The following NEO1 variants were observed in gnomAD, a reference collection of about 807,000 sequenced individuals.
NEO1 encodes the protein neogenin.
Under a neutral mutation model 159.7 loss-of-function variants are expected in NEO1, and 63 were observed. That is an observed-to-expected ratio of 0.39 (90% CI 0.32 to 0.49). The LOEUF (loss-of-function observed/expected upper bound fraction) is 0.49. Among genes scored for constraint, NEO1 ranks in the 20% least tolerant of loss-of-function variants. The pLI, the probability that NEO1 is intolerant of heterozygous loss-of-function variation, is 0.85. For missense variants in NEO1, 1,615 were observed against 1,831.0 expected (o/e 0.88, Z 2.15); for synonymous variants, 633 against 662.0 (o/e 0.96, Z 0.67).
In NEO1 at chr15:73,298,248, A is replaced by G. The variant is rs745675594; in HGVS notation, c.3902-100A>G. The G allele has an allele frequency of 1.5e-4, 218 of 1,442,492 alleles. 1 individual carries two copies. Among genetic ancestry groups the G allele is most frequent in the Non-Finnish European group, 2.0e-4 (209 of 1,053,362 alleles). The allele number at this position is 1,442,492 out of a possible 1,614,324, so 89.4% of individuals were successfully genotyped here. A position where few individuals can be genotyped will look rare whatever the true frequency, so the allele number is the denominator to read the frequency against. The stretch of plus-strand genomic sequence containing the variant: ...TGGACTAGCACTGATCGCAAGTGCT[A>G]TTGAGCTGGTTTAGGGAACCCCTAG... On this transcript the variant is annotated intron_variant, in intron 26 of 28. Transcript: ENST00000261908.
intron 1 of NEO1, among the ~76,000 whole-genome samples, chr15:73,058,343 G>A (rs2151225363): frequency 6.6e-6 from 1 of 152,274 alleles, no homozygotes; most frequent in Admixed American, 6.5e-5. Context: ...CAGATATTAA[G>A]TGCCTTGCCG....
chr15:73,268,516 A>C (rs1471333081), intron 16 of NEO1, among the ~76,000 whole-genome samples: 1 of 152,230 alleles, frequency 6.6e-6, no homozygotes, highest in African/African-American at 2.4e-5. Flanking sequence ...TCTTGGTTAT[A>C]TAATGTATGC....
chr15:73,266,990 G>A (rs1194968513), intron 16 of NEO1, among the ~76,000 whole-genome samples: 2 of 152,168 alleles, frequency 1.3e-5, no homozygotes, highest in Non-Finnish European at 2.9e-5. Context: ...CGGGTGCAGT[G>A]GTTCATGCCT....
intron 1 of NEO1, among the ~76,000 whole-genome samples, chr15:73,066,823 A>G (rs1270696490): frequency 6.6e-6 from 1 of 152,254 alleles, no homozygotes; most frequent in Non-Finnish European, 1.5e-5. Flanking sequence ...CAGCCTCTTC[A>G]GCAGTAGCCT....
chr15:73,120,208 A>G (rs2071561858), intron 2 of NEO1, among the ~76,000 whole-genome samples: 1 of 151,816 alleles, frequency 6.6e-6, no homozygotes, highest in South Asian at 2.1e-4. Context: ...GGTTTTATTG[A>G]TTAAGATTTC....
intron 16 of NEO1, among the ~76,000 whole-genome samples, chr15:73,268,741 C>T (rs1206607405): frequency 1.3e-5 from 2 of 152,120 alleles, no homozygotes; most frequent in Non-Finnish European, 2.9e-5. Context: ...TTGGGAAAGC[C>T]CGTATGGATT....
At chr15:73,179,336 CTGT>C (rs2035466884) in intron 7 of NEO1, among the ~76,000 whole-genome samples, 1 of 152,152 alleles carries the variant, frequency 6.6e-6, no homozygotes, top group African/African-American at 2.4e-5. Context: ...GATCCAGACC[CTGT>C]TGGAGAGGGT....
intron 21 of NEO1, among the ~76,000 whole-genome samples, chr15:73,277,690 T>C (rs915606060): frequency 2.6e-5 from 4 of 152,174 alleles, no homozygotes; most frequent in African/African-American, 9.7e-5. Context: ...ACCTGCTAGG[T>C]CAGGTATTAG....
Position 73,129,194 on chromosome 15 carries a change from G to A in NEO1, c.878+2624G>A, listed in dbSNP as rs191186967. 9.2e-5 allele frequency among the ~76,000 whole-genome samples: 14 copies of A among 152,296 alleles called. No individual in the cohort carries two copies. In the East Asian group the frequency reaches 2.5e-3, roughly 27 times the overall value. ...TTTAGCTTGAATAACCCAAAGTAAT[G>A]TTGGAAAATATAAGTGAATGGAGCA... On this transcript the variant is annotated intron_variant, in intron 4 of 28. Transcript: ENST00000261908.
chr15:73,258,370 T>C (rs1479530000), intron 13 of NEO1, among the ~76,000 whole-genome samples: 1 of 152,202 alleles, frequency 6.6e-6, no homozygotes, highest in Non-Finnish European at 1.5e-5. Flanking sequence ...TTTTAGTGCC[T>C]TCTAAGACCA....
At chr15:73,089,764 AT>A (rs2069578506) in intron 1 of NEO1, among the ~76,000 whole-genome samples, 1 of 152,104 alleles carries the variant, frequency 6.6e-6, no homozygotes, top group African/African-American at 2.4e-5. Flanking sequence ...AATATACATT[AT>A]TTTTTACTTA....
chr15:73,076,603 A>G (rs918096217), intron 1 of NEO1, among the ~76,000 whole-genome samples: 3 of 152,172 alleles, frequency 2.0e-5, no homozygotes, highest in African/African-American at 7.2e-5. Flanking sequence ...GGGATCTTGT[A>G]CAGTGCAAAG....
At chr15:73,288,183 G>GGTAT in intron 23 of NEO1, 130 bp from the exon 24 acceptor site, 1 of 716,286 alleles carries the variant, frequency 1.4e-6, no homozygotes, top group Non-Finnish European at 2.4e-6. Flanking sequence ...GGGGGCAGGA[G>GGTAT]GTATGTTTTT....
intron 27 of NEO1, among the ~76,000 whole-genome samples, chr15:73,299,399 T>A (rs1329705089): frequency 6.6e-6 from 1 of 151,906 alleles, no homozygotes; most frequent in East Asian, 1.9e-4. Context: ...TTTTTTTTTT[T>A]ATTTGGGATG....
intron 16 of NEO1, among the ~76,000 whole-genome samples, chr15:73,267,711 C>T (rs1292827463): frequency 6.6e-6 from 1 of 151,724 alleles, no homozygotes; most frequent in Non-Finnish European, 1.5e-5. Context: ...CTACAAAGGA[C>T]ATGAACTCAT....
rs562064740 is a variant in NEO1, at chr15:73,194,979, A to G, written c.1291+16552A>G. ...TTTAGATAGCTTTGAAGAGGTAGACATATAATTAAAGTATGAATAATTTGT... is the reference window on the plus strand; with the variant it reads ...TTTAGATAGCTTTGAAGAGGTAGACGTATAATTAAAGTATGAATAATTTGT... On this transcript the variant is annotated intron_variant, in intron 7 of 28. Transcript: ENST00000261908. Among the ~76,000 whole-genome samples, 15 of 152,350 alleles carry G rather than the reference A, an allele frequency of 9.8e-5. No individual in the cohort carries two copies. The East Asian group carries it at 2.7e-3, about 27-fold the overall frequency.
intron 8 of NEO1, among the ~76,000 whole-genome samples, chr15:73,240,717 G>A (rs1226267030): frequency 6.6e-6 from 1 of 152,160 alleles, no homozygotes; most frequent in Non-Finnish European, 1.5e-5. Flanking sequence ...GCTAGTCGTC[G>A]GCTTGGATGA....
At chr15:73,289,074 A>G (rs1384506059) in intron 24 of NEO1, 72 bp from the exon 25 acceptor site, 6 of 1,153,442 alleles carry the variant, frequency 5.2e-6, no homozygotes, top group Non-Finnish European at 7.8e-6. Context: ...CCTACTAGAA[A>G]TGTTTCACTG....
intron 4 of NEO1, among the ~76,000 whole-genome samples, chr15:73,135,658 A>T (rs1481124502): frequency 6.6e-6 from 1 of 152,210 alleles, no homozygotes; most frequent in Admixed American, 6.5e-5. Flanking sequence ...AGTGTCAGGG[A>T]TAATTCATTG....
Sources: gnomAD v4.1 joint callset for allele counts (sites outside exome capture counted in the v4.1 genomes callset) on GRCh38, gnomAD v4.1.1 for gene constraint, MANE v1.5 for transcripts, NCBI Gene and HGNC (gene_info 2026-07-23, HGNC 2026-07-21) for gene names.